The following CHRM3 variants were observed in gnomAD, a reference collection of about 807,000 sequenced individuals.
CHRM3 encodes muscarinic acetylcholine receptor M3.
CHRM3 carries 11 observed loss-of-function variants against 41.8 expected under a neutral mutation model. The observed-to-expected ratio is 0.26, with a 90% CI of 0.17 to 0.44. CHRM3 has a LOEUF of 0.44. Ranked by LOEUF, CHRM3 falls within the 20% of genes least tolerant of loss-of-function variation. CHRM3 has a pLI of 1.00. For missense variants in CHRM3, 571 were observed against 745.4 expected (o/e 0.77, Z 2.72); for synonymous variants, 297 against 301.4 (o/e 0.99, Z 0.15).
chr1:239,546,692 G>C (rs998974317), intron 3 of CHRM3: 1 of 151,962 alleles, frequency 6.6e-6, no homozygotes, highest in Non-Finnish European at 1.5e-5. Context: ...CCAACCATAA[G>C]GAATTTCTGC....
intron 5 of CHRM3, chr1:239,730,274 G>A (rs559328693): frequency 6.6e-6 from 1 of 152,054 alleles, no homozygotes; most frequent in Admixed American, 6.6e-5. Context: ...TTTTAACAGA[G>A]TAAAGAGAAC....
At chr1:239,527,669 G>A (rs1034182006) in intron 2 of CHRM3, among the ~76,000 whole-genome samples, 22 of 152,160 alleles carry the variant, frequency 1.4e-4, no homozygotes, top group African/African-American at 5.1e-4. Context: ...GTGTTCTTAC[G>A]GTGCTTGGTA....
At chr1:239,599,547 A>T (rs1665253708) in intron 3 of CHRM3, among the ~76,000 whole-genome samples, 1 of 150,706 alleles carries the variant, frequency 6.6e-6, no homozygotes, top group Admixed American at 6.6e-5. Flanking sequence ...TTCCCACTGA[A>T]GGAGTGCAAG....
intron 6 of CHRM3, among the ~76,000 whole-genome samples, chr1:239,838,167 A>G (rs767790419): frequency 6.6e-5 from 10 of 152,178 alleles, no homozygotes; most frequent in Admixed American, 2.0e-4. Context: ...CAGGGACTAT[A>G]TGATTAATGG....
intron 5 of CHRM3, among the ~76,000 whole-genome samples, chr1:239,815,839 A>G (rs192970368): frequency 9.2e-5 from 14 of 152,324 alleles, no homozygotes; most frequent in African/African-American, 3.4e-4. Flanking sequence ...GGTTTTATGC[A>G]TCTTTAAACT....
chr1:239,898,961 A>G (rs1242924869), intron 6 of CHRM3, among the ~76,000 whole-genome samples: 2 of 152,182 alleles, frequency 1.3e-5, no homozygotes, highest in African/African-American at 4.8e-5. Context: ...TTTCTCCTAA[A>G]TTCAGTACTG....
chr1:239,618,277 C>CTTTTT (rs61094722), intron 3 of CHRM3, among the ~76,000 whole-genome samples: 3 of 120,660 alleles, frequency 2.5e-5, no homozygotes, highest in African/African-American at 3.0e-5. Context: ...TTTTTTCTTT[C>CTTTTT]TTTTTTTTTT....
intron 3 of CHRM3, among the ~76,000 whole-genome samples, chr1:239,563,373 A>G (rs2148500363): frequency 6.6e-6 from 1 of 152,308 alleles, no homozygotes; most frequent in African/African-American, 2.4e-5. Context: ...TCAGATAGCT[A>G]ATGTAATAGT....
chr1:239,540,115 T>C (rs1259713432), intron 2 of CHRM3, among the ~76,000 whole-genome samples: 4 of 152,114 alleles, frequency 2.6e-5, no homozygotes, highest in African/African-American at 9.7e-5. Flanking sequence ...TCTATGACGT[T>C]TGCACAACAA....
chr1:239,657,547 A>G (rs1672823105), intron 4 of CHRM3, among the ~76,000 whole-genome samples: 1 of 152,236 alleles, frequency 6.6e-6, no homozygotes. Context: ...CAGAAAAGTC[A>G]GCAACTAATA....
At position 239,907,526 on chromosome 1, in the gene CHRM3, C is replaced by T. The variant is rs202042494; in HGVS notation, c.75C>T (p.Ser25=). 6.8e-6 allele frequency: 11 copies of T among 1,614,076 alleles called. No homozygotes were observed. The highest frequency in any genetic ancestry group is 6.7e-5 in the African/African-American group (5 of 74,932). The change falls in exon 7 of 7, where the codon TCC becomes TCT. Residue 25 remains serine, a synonymous_variant. Transcript: ENST00000676153. This position sits in a 1 kb window ranked among gnomAD's most constrained non-coding sequence, Gnocchi z 5.4. ...GCTCCTCCTGGATACACAGCCCCTC[C>T]GATGCAGGGCTGCCCCCGGGAACCG... ...NISSSWIHSP[S]DAGLPPGTVT...
intron 5 of CHRM3, among the ~76,000 whole-genome samples, chr1:239,824,512 A>G (rs1186902840): frequency 6.6e-6 from 1 of 152,214 alleles, no homozygotes; most frequent in African/African-American, 2.4e-5. Flanking sequence ...GCAAAAGATA[A>G]TTAATGAATA....
intron 2 of CHRM3, among the ~76,000 whole-genome samples, chr1:239,540,785 C>A (rs1024558477): frequency 5.3e-5 from 8 of 152,030 alleles, no homozygotes; most frequent in Non-Finnish European, 1.0e-4. Context: ...ATCAGTATAA[C>A]TTCCATATTT....
intron 5 of CHRM3, among the ~76,000 whole-genome samples, chr1:239,688,255 A>G (rs537873412): frequency 6.8e-6 from 1 of 147,808 alleles, no homozygotes; most frequent in South Asian, 2.1e-4. Flanking sequence ...ATTATTAAAT[A>G]ATATATAATA....
chr1:239,395,549 G>A (rs771897332), intron 1 of CHRM3, among the ~76,000 whole-genome samples: 1 of 151,962 alleles, frequency 6.6e-6, no homozygotes, highest in Non-Finnish European at 1.5e-5. Context: ...TTCCCCTCCT[G>A]CTACCAATAT....
chr1:239,630,281 C>A (rs539792095), intron 3 of CHRM3, among the ~76,000 whole-genome samples: 1 of 152,160 alleles, frequency 6.6e-6, no homozygotes, highest in South Asian at 2.1e-4. Context: ...TGAATTTCAA[C>A]ATGTAGGCAA....
chr1:239,835,870 T>G (rs1673274729), intron 6 of CHRM3, among the ~76,000 whole-genome samples: 1 of 152,200 alleles, frequency 6.6e-6, no homozygotes, highest in Non-Finnish European at 1.5e-5. Context: ...GCATTTCAGG[T>G]TTTAACAAAT....
intron 5 of CHRM3, among the ~76,000 whole-genome samples, chr1:239,773,627 T>C (rs1667860855): frequency 1.3e-5 from 2 of 152,326 alleles, no homozygotes; most frequent in South Asian, 4.1e-4. Flanking sequence ...TTTCTTTGTC[T>C]TATAATTCTG....
intron 5 of CHRM3, among the ~76,000 whole-genome samples, chr1:239,751,778 A>G (rs1665852806): frequency 6.6e-6 from 1 of 152,228 alleles, no homozygotes; most frequent in African/African-American, 2.4e-5. Context: ...GAACAACAAT[A>G]GGATCTACCT....
Sources: gnomAD v4.1 joint callset for allele counts (sites outside exome capture counted in the v4.1 genomes callset) on GRCh38, gnomAD v4.1.1 for gene constraint, Gnocchi (gnomAD v3.1) non-coding constraint, MANE v1.5 for transcripts, NCBI Gene and HGNC (gene_info 2026-07-23, HGNC 2026-07-21) for gene names.